Variants in C19orf84 observed in about 807,000 individuals in gnomAD.
C19orf84 encodes piRNA-mediated silencing protein C19orf84.
Under a neutral mutation model 4.0 loss-of-function variants are expected in C19orf84, and 1 was observed. The ratio of observed to expected loss-of-function variants is 0.25; its 90% CI spans 0.09 to 1.19. The LOEUF (loss-of-function observed/expected upper bound fraction) is 1.19, where lower values mean the gene tolerates loss of function less well. Ranked by LOEUF, C19orf84 falls within the 50% of genes most tolerant of loss-of-function variation. C19orf84 has a pLI of 0.50. For missense variants in C19orf84, 224 were observed against 246.8 expected (o/e 0.91, Z 0.62); for synonymous variants, 123 against 109.6 (o/e 1.12, Z -0.76).
intron 1 of C19orf84, among the ~76,000 whole-genome samples, chr19:51,390,057 C>T (rs545142700): frequency 6.6e-6 from 1 of 151,988 alleles, no homozygotes; most frequent in Non-Finnish European, 1.5e-5. Context: ...TGGCTCAACG[C>T]AACCTCTGCC....
At position 51,389,228 on chromosome 19, in the gene C19orf84, C is replaced by A. The variant is rs991350322; in HGVS notation, c.317G>T (p.Arg106Leu). ...PGAVRRPPRGRGGWEVRHRPG... is the reference protein window; with the variant it reads ...PGAVRRPPRGLGGWEVRHRPG... ...CCTGTGCCTGACTTCCCAGCCTCCG[C>A]GTCCCCTGGGAGGCCTCCTAACTGC... The change falls in exon 2 of 2, where the codon CGC (arginine) becomes CTC (leucine). Residue 106 changes from arginine to leucine, a missense_variant. Coordinates refer to ENST00000574814, the MANE Select transcript of C19orf84 (RefSeq NM_001193623.2). This position sits in a 1 kb window ranked among gnomAD's most constrained non-coding sequence, Gnocchi z 4.7. 30 of 1,534,418 alleles carry A rather than the reference C, an allele frequency of 2.0e-5. No individual in the cohort carries two copies. The highest frequency in any genetic ancestry group is 1.5e-4 in the African/African-American group (11 of 73,032).
In C19orf84 at chr19:51,388,908, A is replaced by G; in HGVS notation, c.*76T>C. On this transcript the variant is annotated 3_prime_UTR_variant, in exon 2 of 2. Transcript: ENST00000574814. ...AGATGTTTCTTGGGGTTCTTCTGAC[A>G]GGGCTGAGATCACTCTGGGCCCCAG... 7 of 1,456,590 alleles carry G rather than the reference A, an allele frequency of 4.8e-6. No homozygotes were observed. The highest frequency in any genetic ancestry group is 6.4e-6 in the Non-Finnish European group (7 of 1,091,472). The allele number at this position is 1,456,590 out of a possible 1,614,324, so 90.2% of individuals were successfully genotyped here. A position where few individuals can be genotyped will look rare whatever the true frequency, so the allele number is the denominator to read the frequency against.
Position 51,389,321 on chromosome 19 carries a change from GC to G in C19orf84, c.223del (p.Ala75ProfsTer75), listed in dbSNP as rs1430314394. 1 of 1,535,672 alleles carries G rather than the reference GC, an allele frequency of 6.5e-7. No homozygotes were observed. The highest frequency in any genetic ancestry group is 2.4e-5 in the East Asian group (1 of 40,910). ...SCLLHSALLG[A>X]YTFQQALPSC... The stretch of plus-strand genomic sequence containing the variant: ...GGGCAAGGCCTGTTGGAAGGTGTAG[GC>G]CCCCAGCAGGGCGCTGTGCAGGAGG... On this transcript the variant is annotated frameshift_variant, in exon 2 of 2. Coordinates refer to ENST00000574814, the MANE Select transcript of C19orf84 (RefSeq NM_001193623.2). LOFTEE classifies it low-confidence loss of function (END_TRUNC). The surrounding 1 kb of genome is among the most constrained non-coding windows in gnomAD (Gnocchi z 4.7).
chr19:51,389,813 T>C lies in C19orf84; in HGVS notation c.36-304A>G, dbSNP rs1242656078. Among the ~76,000 whole-genome samples, 1 of 152,200 alleles carries C rather than the reference T, an allele frequency of 6.6e-6. No individual in the cohort carries two copies. Among genetic ancestry groups the C allele is most frequent in the African/African-American group, 2.4e-5 (1 of 41,448 alleles). On this transcript the variant is annotated intron_variant, in intron 1 of 1. Coordinates refer to ENST00000574814, the MANE Select transcript of C19orf84 (RefSeq NM_001193623.2). This position sits in a 1 kb window ranked among gnomAD's most constrained non-coding sequence, Gnocchi z 4.7. ...ATTCCGAACCTTAATTTGTTTATAG[T>C]CACAGATGGCTTTGGATGGTATCAA...
Position 51,389,449 on chromosome 19 carries a change from G to T in C19orf84, c.96C>A (p.Ala32=), listed in dbSNP as rs1987226958. ...TEPWPPAPLP[A]PPPLLLNSTD... is the part of the protein sequence containing the mutation. ...TGGAGTTCAGGAGCAAGGGTGGAGGGGCTGGGAGAGGCGCAGGGGGCCATG... is the reference window on the plus strand; with the variant it reads ...TGGAGTTCAGGAGCAAGGGTGGAGGTGCTGGGAGAGGCGCAGGGGGCCATG... Residue 32 remains alanine (A), a synonymous_variant, in exon 2 of 2, where the codon GCC becomes GCA. Transcript: ENST00000574814. The surrounding 1 kb of genome is among the most constrained non-coding windows in gnomAD (Gnocchi z 4.7). 5 of 1,446,610 alleles carry T rather than the reference G, an allele frequency of 3.5e-6. No homozygotes were observed. Among genetic ancestry groups the T allele is most frequent in the Non-Finnish European group, 4.5e-6 (5 of 1,103,860 alleles). 89.6% of individuals were successfully genotyped at this position (1,446,610 alleles called of 1,614,324 possible).
At position 51,389,530 on chromosome 19, in the gene C19orf84, G is replaced by A; in HGVS notation, c.36-21C>T. The A allele has an allele frequency of 7.1e-7, 1 of 1,400,852 alleles. No homozygotes were observed. The highest frequency in any genetic ancestry group is 9.2e-7 in the Non-Finnish European group (1 of 1,081,838). The allele number at this position is 1,400,852 out of a possible 1,614,324, so 86.8% of individuals were successfully genotyped here. ...TGTTCCTAGAACAACAAAAAGACAG[G>A]TCAGTGGGGCTCAGCGTCTCCGTAC... On this transcript the variant is annotated intron_variant, in intron 1 of 1. Coordinates refer to ENST00000574814, the MANE Select transcript of C19orf84 (RefSeq NM_001193623.2). The surrounding 1 kb of genome is among the most constrained non-coding windows in gnomAD (Gnocchi z 4.7).
At position 51,389,250 on chromosome 19, in the gene C19orf84, C is replaced by G; in HGVS notation, c.295G>C (p.Val99Leu). 5 of 1,535,438 alleles carry G rather than the reference C, an allele frequency of 3.3e-6. No individual in the cohort carries two copies. The highest frequency in any genetic ancestry group is 4.4e-6 in the Non-Finnish European group (5 of 1,146,496). ...SQAGHSQPGA[V>L]RRPPRGRGGW... is the part of the protein sequence containing the mutation. ...CCGCGTCCCCTGGGAGGCCTCCTAA[C>G]TGCCCCCGGCTGGGAGTGGCCTGCC... The change falls in exon 2 of 2, where the codon GTT (valine) becomes CTT (leucine). Residue 99 changes from valine (V) to leucine (L), a missense_variant. By Grantham distance (32) the Val-to-Leu change is conservative. Transcript: ENST00000574814. This position sits in a 1 kb window ranked among gnomAD's most constrained non-coding sequence, Gnocchi z 4.7.
At position 51,388,436 on chromosome 19, in the gene C19orf84, T is replaced by C. The variant is rs1987158641; in HGVS notation, c.*548A>G. ...ACAGGGCTGTGGCTGAGGTTGAGGA[T>C]GGAGCTCTTTGGGGCTGTAGATTCA... On this transcript the variant is annotated 3_prime_UTR_variant, in exon 2 of 2. Coordinates refer to ENST00000574814, the MANE Select transcript of C19orf84 (RefSeq NM_001193623.2). 1 of 158,002 alleles carries C rather than the reference T, an allele frequency of 6.3e-6. No individual in the cohort carries two copies. The highest frequency in any genetic ancestry group is 1.8e-4 in the South Asian group (1 of 5,506). The allele number at this position is 158,002 out of a possible 1,614,324, so 9.8% of individuals were successfully genotyped here.
At position 51,389,049 on chromosome 19, in the gene C19orf84, C is replaced by T. The variant is rs1347280385; in HGVS notation, c.496G>A (p.Ala166Thr). ...TLPAQDGKKEARGPEPPLETP... is the reference protein window; with the variant it reads ...TLPAQDGKKETRGPEPPLETP... ...TCCAGGGGTGGCTCTGGACCTCGAG[C>T]TTCTTTCTTCCCATCCTGGGCAGGC... Residue 166 changes from alanine (A) to threonine (T), a missense_variant, in exon 2 of 2, where the codon GCT becomes ACT. Ala to Thr is a moderately conservative substitution (Grantham distance 58). Transcript: ENST00000574814. The surrounding 1 kb of genome is among the most constrained non-coding windows in gnomAD (Gnocchi z 4.7). 4 of 1,531,708 alleles carry T rather than the reference C, an allele frequency of 2.6e-6. No homozygotes were observed. The highest frequency in any genetic ancestry group is 3.5e-6 in the Non-Finnish European group (4 of 1,144,600). The allele number at this position is 1,531,708 out of a possible 1,614,324, so 94.9% of individuals were successfully genotyped here. A position where few individuals can be genotyped will look rare whatever the true frequency, so the allele number is the denominator to read the frequency against.
rs892737398 is a variant in C19orf84, at chr19:51,388,933, G to A, written c.*51C>T. 7.8e-6 allele frequency: 12 copies of A among 1,530,698 alleles called. No individual in the cohort carries two copies. The East Asian group carries it at 1.7e-4, about 22-fold the overall frequency. The allele number at this position is 1,530,698 out of a possible 1,614,324, so 94.8% of individuals were successfully genotyped here. On this transcript the variant is annotated 3_prime_UTR_variant, in exon 2 of 2. Coordinates refer to ENST00000574814, the MANE Select transcript of C19orf84 (RefSeq NM_001193623.2). ...AGGGCTGAGATCACTCTGGGCCCCAGGAAAACCCTCCTGGGTGACTGCAAT... is the reference window on the plus strand; with the variant it reads ...AGGGCTGAGATCACTCTGGGCCCCAAGAAAACCCTCCTGGGTGACTGCAAT...
In C19orf84 at chr19:51,389,371, G is replaced by A. The variant is rs1477787905; in HGVS notation, c.174C>T (p.Pro58=). 6.6e-7 allele frequency: 1 copy of A among 1,518,740 alleles called. No individual in the cohort carries two copies. Among genetic ancestry groups the A allele is most frequent in the Admixed American group, 2.1e-5 (1 of 48,244 alleles). The allele number at this position is 1,518,740 out of a possible 1,614,324, so 94.1% of individuals were successfully genotyped here. A position where few individuals can be genotyped will look rare whatever the true frequency, so the allele number is the denominator to read the frequency against. The change falls in exon 2 of 2, where the codon CCC becomes CCT. Residue 58 remains proline (P), a synonymous_variant. Coordinates refer to ENST00000574814, the MANE Select transcript of C19orf84 (RefSeq NM_001193623.2). This position sits in a 1 kb window ranked among gnomAD's most constrained non-coding sequence, Gnocchi z 4.7. Reference sequence around the variant, plus strand: ...GGCAGGAGAGGGTGTCCAGGCGTATGGGCACGGTGACAGAGGCCACGCTCT... The same window carrying A: ...GGCAGGAGAGGGTGTCCAGGCGTATAGGCACGGTGACAGAGGCCACGCTCT... ...LPESVASVTV[P]IRLDTLSCLL...
At chr19:51,390,294 A>T in intron 1 of C19orf84, 184 bp downstream of exon 1, 2 of 498,800 alleles carry the variant, frequency 4.0e-6, no homozygotes, top group African/African-American at 4.0e-5. Context: ...GTTTCTAAGT[A>T]TCTCGCTCAA....
rs1432044882 is a variant in C19orf84, at chr19:51,389,334, C to T, written c.211G>A (p.Ala71Thr). 1.3e-5 allele frequency: 20 copies of T among 1,534,466 alleles called. No homozygotes were observed. In the Admixed American group the frequency reaches 3.0e-4, roughly 23 times the overall value. ...LDTLSCLLHS[A>T]LLGAYTFQQA... ...TGGAAGGTGTAGGCCCCCAGCAGGGCGCTGTGCAGGAGGCAGGAGAGGGTG... is the reference window on the plus strand; with the variant it reads ...TGGAAGGTGTAGGCCCCCAGCAGGGTGCTGTGCAGGAGGCAGGAGAGGGTG... Residue 71 changes from alanine (A) to threonine (T), a missense_variant, in exon 2 of 2, where the codon GCC (alanine) becomes ACC (threonine). By Grantham distance (58) the Ala-to-Thr change is moderately conservative. Coordinates refer to ENST00000574814, the MANE Select transcript of C19orf84 (RefSeq NM_001193623.2). This position sits in a 1 kb window ranked among gnomAD's most constrained non-coding sequence, Gnocchi z 4.7.
rs1356015742 is a variant in C19orf84 at position 51,389,137 on chromosome 19, C to T, written c.408G>A (p.Arg136=). The change falls in exon 2 of 2, where the codon CGG becomes CGA. Residue 136 remains arginine, a synonymous_variant. Coordinates refer to ENST00000574814, the MANE Select transcript of C19orf84 (RefSeq NM_001193623.2). The surrounding 1 kb of genome is among the most constrained non-coding windows in gnomAD (Gnocchi z 4.7). ...LGRAEQPERG[R]AGGPGAGPRT... ...TGGGGCCAGCCCCAGGGCCCCCCGC[C>T]CGGCCCCTCTCTGGCTGCTCAGCTC... The T allele has an allele frequency of 6.5e-7, 1 of 1,535,898 alleles. No individual in the cohort carries two copies. Among genetic ancestry groups the T allele is most frequent in the South Asian group, 1.2e-5 (1 of 84,058 alleles).
Position 51,389,244 on chromosome 19 carries a change from T to C in C19orf84, c.301A>G (p.Arg101Gly). ...AGHSQPGAVR[R>G]PPRGRGGWEV... Reference sequence around the variant, plus strand: ...CAGCCTCCGCGTCCCCTGGGAGGCCTCCTAACTGCCCCCGGCTGGGAGTGG... The same window carrying C: ...CAGCCTCCGCGTCCCCTGGGAGGCCCCCTAACTGCCCCCGGCTGGGAGTGG... Residue 101 changes from arginine (R) to glycine (G), a missense_variant, in exon 2 of 2, where the codon AGG (arginine) becomes GGG (glycine). Physicochemically the swap from Arg to Gly is moderately radical, Grantham distance 125. Transcript: ENST00000574814. The surrounding 1 kb of genome is among the most constrained non-coding windows in gnomAD (Gnocchi z 4.7). 6.5e-7 allele frequency: 1 copy of C among 1,535,210 alleles called. No individual in the cohort carries two copies. The highest frequency in any genetic ancestry group is 8.7e-7 in the Non-Finnish European group (1 of 1,146,398).
At position 51,389,102 on chromosome 19, in the gene C19orf84, G is replaced by A; in HGVS notation, c.443C>T (p.Pro148Leu). The A allele has an allele frequency of 2.0e-6, 3 of 1,535,972 alleles. No homozygotes were observed. In the East Asian group the frequency reaches 7.3e-5, roughly 38 times the overall value. ...GGPGAGPRTP[P>L]MTLPSPPTLP... ...TGTTGGTGGTGATGGCAGTGTCATT[G>A]GTGGGGTCCTGGGGCCAGCCCCAGG... The change falls in exon 2 of 2, where the codon CCA (proline) becomes CTA (leucine). Residue 148 changes from proline (P) to leucine (L), a missense_variant. Physicochemically the swap from Pro to Leu is moderately conservative, Grantham distance 98 (BLOSUM62 -3). Transcript: ENST00000574814. The surrounding 1 kb of genome is among the most constrained non-coding windows in gnomAD (Gnocchi z 4.7).
rs1161615635 is a variant in C19orf84, at chr19:51,389,135, G to A, written c.410C>T (p.Ala137Val). Reference protein sequence around the residue: ...GRAEQPERGRAGGPGAGPRTP... With the variant: ...GRAEQPERGRVGGPGAGPRTP... ...CCTGGGGCCAGCCCCAGGGCCCCCC[G>A]CCCGGCCCCTCTCTGGCTGCTCAGC... The change falls in exon 2 of 2, where the codon GCG (alanine) becomes GTG (valine). Residue 137 changes from alanine to valine, a missense_variant. By Grantham distance (64) the Ala-to-Val change is moderately conservative (BLOSUM62 0). Transcript: ENST00000574814. This position sits in a 1 kb window ranked among gnomAD's most constrained non-coding sequence, Gnocchi z 4.7. The A allele has an allele frequency of 3.3e-6, 5 of 1,535,824 alleles. No homozygotes were observed. The highest frequency in any genetic ancestry group is 2.7e-5 in the African/African-American group (2 of 73,130).
rs1035484620 is a variant in C19orf84, at chr19:51,389,185, G to A, written c.360C>T (p.Gly120=). Residue 120 remains glycine, a synonymous_variant, in exon 2 of 2, where the codon GGC becomes GGT. Coordinates refer to ENST00000574814, the MANE Select transcript of C19orf84 (RefSeq NM_001193623.2). This position sits in a 1 kb window ranked among gnomAD's most constrained non-coding sequence, Gnocchi z 4.7. ...EVRHRPGWGR[G]LHRRGLGRAE... is the part of the protein sequence containing the mutation. ...CTCTCCCAAGGCCCCGTCGATGCAG[G>A]CCTCGGCCCCAGCCTGGCCTGTGCC... The A allele has an allele frequency of 3.3e-6, 5 of 1,534,892 alleles. No homozygotes were observed. Among genetic ancestry groups the A allele is most frequent in the Non-Finnish European group, 4.4e-6 (5 of 1,146,330 alleles).
chr19:51,388,699 A>C lies in C19orf84; in HGVS notation c.*285T>G. 4.2e-6 allele frequency: 2 copies of C among 473,986 alleles called. No individual in the cohort carries two copies. The highest frequency in any genetic ancestry group is 7.6e-6 in the Non-Finnish European group (2 of 264,494). The allele number at this position is 473,986 out of a possible 1,614,324, so 29.4% of individuals were successfully genotyped here. On this transcript the variant is annotated 3_prime_UTR_variant, in exon 2 of 2. Transcript: ENST00000574814. Reference sequence around the variant, plus strand: ...GAGCCCTGGGGGTTGAGAATGAGGTAAGGATTGTGGTTGTGGTTGGGGATG... The same window carrying C: ...GAGCCCTGGGGGTTGAGAATGAGGTCAGGATTGTGGTTGTGGTTGGGGATG...
Sources: gnomAD v4.1 joint callset for allele counts (sites outside exome capture counted in the v4.1 genomes callset) on GRCh38, gnomAD v4.1.1 for gene constraint, Gnocchi (gnomAD v3.1) non-coding constraint, MANE v1.5 for transcripts, NCBI Gene and HGNC (gene_info 2026-07-23, HGNC 2026-07-21) for gene names.